Variants in CFAP299 observed in about 807,000 individuals in gnomAD.
CFAP299 encodes the protein cilia and flagella associated protein 299.
Under a neutral mutation model 27.0 loss-of-function variants are expected in CFAP299, and 21 were observed. The ratio of observed to expected loss-of-function variants is 0.78; its 90% CI spans 0.55 to 1.12. CFAP299 has a LOEUF of 1.12. CFAP299 is among the 50% of genes most tolerant of loss of function. CFAP299 has a pLI of 0.00. For missense variants in CFAP299, 310 were observed against 276.6 expected (o/e 1.12, Z -0.86); for synonymous variants, 104 against 98.1 (o/e 1.06, Z -0.36).
chr4:80,371,205 A>G (rs1724132013), intron 2 of CFAP299, among the ~76,000 whole-genome samples: 1 of 152,150 alleles, frequency 6.6e-6, no homozygotes, highest in Non-Finnish European at 1.5e-5. Context: ...GGGGTTTGGG[A>G]TGCAGGGACT....
chr4:80,944,023 G>A lies in CFAP299; in HGVS notation c.477-787G>A, dbSNP rs192715679. On this transcript the variant is annotated intron_variant, in intron 4 of 5. Transcript: ENST00000358105. Reference sequence around the variant, plus strand: ...GGAGGTTGCAGTGAGCTGAGATCACGCCACTGCACTCCAGCCTGGAGACAG... The same window carrying A: ...GGAGGTTGCAGTGAGCTGAGATCACACCACTGCACTCCAGCCTGGAGACAG... 3.2e-3 allele frequency among the ~76,000 whole-genome samples: 484 copies of A among 151,650 alleles called. 2 individuals carry two copies. Among genetic ancestry groups the A allele is most frequent in the African/African-American group, 0.011 (449 of 41,344 alleles).
At chr4:80,398,301 T>A (rs1725933356) in intron 2 of CFAP299, among the ~76,000 whole-genome samples, 1 of 152,182 alleles carries the variant, frequency 6.6e-6, no homozygotes. Context: ...CCCATCAAGC[T>A]ACCAATGACT....
chr4:80,815,764 A>G (rs1029971621), intron 3 of CFAP299, among the ~76,000 whole-genome samples: 3 of 152,020 alleles, frequency 2.0e-5, no homozygotes, highest in Non-Finnish European at 4.4e-5. Context: ...ATAAATTATG[A>G]TCACAATTAT....
chr4:80,729,121 G>T (rs1312145672), intron 3 of CFAP299, among the ~76,000 whole-genome samples: 1 of 152,174 alleles, frequency 6.6e-6, no homozygotes, highest in African/African-American at 2.4e-5. Context: ...AGGCTTCATA[G>T]ATTCTCTAGT....
intron 2 of CFAP299, among the ~76,000 whole-genome samples, chr4:80,454,741 T>C (rs911491869): frequency 2.0e-5 from 3 of 152,076 alleles, no homozygotes; most frequent in Non-Finnish European, 4.4e-5. Context: ...AGAGGGGAAT[T>C]GAAAGAGAGA....
chr4:80,462,235 C>T (rs1362613744), intron 2 of CFAP299, among the ~76,000 whole-genome samples: 1 of 152,140 alleles, frequency 6.6e-6, no homozygotes, highest in Non-Finnish European at 1.5e-5. Flanking sequence ...TATAGTCAGT[C>T]AATTCTCTTC....
At chr4:80,339,480 GA>G (rs1368688212) in intron 1 of CFAP299, among the ~76,000 whole-genome samples, 3 of 152,030 alleles carry the variant, frequency 2.0e-5, no homozygotes, top group Non-Finnish European at 1.5e-5. Context: ...GAGAAATGTG[GA>G]AAAAAGGAAA....
chr4:80,761,983 G>A (rs1019643773), intron 3 of CFAP299, among the ~76,000 whole-genome samples: 1 of 151,896 alleles, frequency 6.6e-6, no homozygotes, highest in Admixed American at 6.6e-5. Context: ...TACAAAAACA[G>A]ATTTCAGTGT....
chr4:80,850,229 G>A (rs1006189196), intron 3 of CFAP299, among the ~76,000 whole-genome samples: 6 of 96,060 alleles, frequency 6.2e-5, no homozygotes, highest in Admixed American at 3.9e-4. Context: ...TTATGGCGGT[G>A]GGGGGGGTGA....
intron 2 of CFAP299, among the ~76,000 whole-genome samples, chr4:80,566,962 G>C (rs1032734029): frequency 6.6e-6 from 1 of 151,762 alleles, no homozygotes; most frequent in African/African-American, 2.4e-5. Flanking sequence ...CAAAAATGAG[G>C]AGTTCAGAGA....
chr4:80,914,657 C>T (rs557961534), intron 4 of CFAP299, among the ~76,000 whole-genome samples: 2 of 152,268 alleles, frequency 1.3e-5, no homozygotes, highest in South Asian at 4.1e-4. Context: ...TTTGCATGAG[C>T]TTATATATAG....
At chr4:80,351,426 A>G (rs1723010729) in intron 1 of CFAP299, among the ~76,000 whole-genome samples, 1 of 152,182 alleles carries the variant, frequency 6.6e-6, no homozygotes, top group South Asian at 2.1e-4. Flanking sequence ...GTAGAATGTA[A>G]TAAGCTAATA....
intron 3 of CFAP299, among the ~76,000 whole-genome samples, chr4:80,604,086 C>T (rs908417830): frequency 4.6e-5 from 7 of 152,076 alleles, no homozygotes; most frequent in African/African-American, 1.7e-4. Context: ...ATTATCCTTA[C>T]CTTTAGGAGA....
intron 3 of CFAP299, among the ~76,000 whole-genome samples, chr4:80,866,704 A>G (rs1316861903): frequency 6.6e-6 from 1 of 152,136 alleles, no homozygotes; most frequent in African/African-American, 2.4e-5. Context: ...GACCTCACTT[A>G]AAGTCCTCCA....
intron 2 of CFAP299, among the ~76,000 whole-genome samples, chr4:80,416,464 A>G (rs1727011188): frequency 6.6e-6 from 1 of 152,180 alleles, no homozygotes; most frequent in African/African-American, 2.4e-5. Flanking sequence ...CTAATACACA[A>G]TTTTACCGTA....
intron 3 of CFAP299, among the ~76,000 whole-genome samples, chr4:80,855,168 T>C (rs1247798863): frequency 6.6e-6 from 1 of 152,016 alleles, no homozygotes; most frequent in Admixed American, 6.6e-5. Context: ...GTTTTAGAAA[T>C]TTAGAAAATA....
chr4:80,511,598 G>A (rs1002688892), intron 2 of CFAP299, among the ~76,000 whole-genome samples: 1 of 151,924 alleles, frequency 6.6e-6, no homozygotes, highest in African/African-American at 2.4e-5. Flanking sequence ...TAACAATGAA[G>A]GTAATGGCCA....
intron 2 of CFAP299, among the ~76,000 whole-genome samples, chr4:80,424,378 A>T (rs1310429911): frequency 6.6e-6 from 1 of 152,210 alleles, no homozygotes; most frequent in Non-Finnish European, 1.5e-5. Flanking sequence ...ATTATTGTTT[A>T]CATTTTTCTG....
At chr4:80,848,625 A>G (rs1210148937) in intron 3 of CFAP299, among the ~76,000 whole-genome samples, 1 of 152,070 alleles carries the variant, frequency 6.6e-6, no homozygotes, top group African/African-American at 2.4e-5. Flanking sequence ...AACTAAAAAT[A>G]AATTAGCTGA....
Sources: allele counts gnomAD v4.1 joint callset (sites outside exome capture counted in the v4.1 genomes callset), GRCh38; gene constraint gnomAD v4.1.1; transcripts MANE v1.5; gene names NCBI Gene and HGNC (gene_info 2026-07-23, HGNC 2026-07-21).